The following CSMD1 variants were observed in gnomAD, a reference collection of about 807,000 sequenced individuals.
CSMD1 encodes CUB and Sushi multiple domains 1, also known as CUB and sushi domain-containing protein 1.
CSMD1 carries 213 observed loss-of-function variants against 417.5 expected under a neutral mutation model. The ratio of observed to expected loss-of-function variants is 0.51; its 90% CI spans 0.46 to 0.57. The LOEUF is 0.57. CSMD1 is among the 20% of genes least tolerant of loss of function. The probability of loss-of-function intolerance (pLI) is 0.00; values close to 1 mark genes in which losing one functional copy is unlikely to be tolerated. For synonymous variants in CSMD1, 2,862 were observed against 1,736.8 expected (o/e 1.65, Z -16.11); for missense variants, 6,923 against 4,529.7 (o/e 1.53, Z -15.17).
At chr8:3,268,981 C>T (rs191837064) in intron 26 of CSMD1, among the ~76,000 whole-genome samples, 22 of 152,324 alleles carry the variant, frequency 1.4e-4, no homozygotes, top group East Asian at 3.9e-4. Context: ...AAACCTCCAT[C>T]CTCAAGAATA....
chr8:4,355,079 G>A (rs1328340203), intron 3 of CSMD1, among the ~76,000 whole-genome samples: 1 of 151,850 alleles, frequency 6.6e-6, no homozygotes, highest in African/African-American at 2.4e-5. Flanking sequence ...TGGCTAACAT[G>A]GTGAAACCCC....
intron 1 of CSMD1, among the ~76,000 whole-genome samples, chr8:4,720,255 G>A (rs2116905218): frequency 6.6e-6 from 1 of 151,498 alleles, no homozygotes; most frequent in Non-Finnish European, 1.5e-5. Flanking sequence ...TATCATTTTT[G>A]GAAAAGTTGG....
At chr8:4,431,491 C>T (rs149497853) in intron 2 of CSMD1, among the ~76,000 whole-genome samples, 45 of 152,084 alleles carry the variant, frequency 3.0e-4, no homozygotes, top group Non-Finnish European at 5.4e-4. Flanking sequence ...GTAGAGAGAC[C>T]AAGTAGAGAC....
At chr8:4,324,500 C>T (rs1455659147) in intron 3 of CSMD1, among the ~76,000 whole-genome samples, 1 of 152,178 alleles carries the variant, frequency 6.6e-6, no homozygotes, top group Non-Finnish European at 1.5e-5. Context: ...AGATGAAGTG[C>T]ACACAAAAGA....
chr8:3,972,637 T>G (rs544445301), intron 5 of CSMD1, among the ~76,000 whole-genome samples: 1 of 152,346 alleles, frequency 6.6e-6, no homozygotes, highest in East Asian at 1.9e-4. Context: ...TTAAGTTAGT[T>G]TACATGTGAT....
At chr8:4,164,059 A>G (rs1203851723) in intron 3 of CSMD1, among the ~76,000 whole-genome samples, 4 of 152,186 alleles carry the variant, frequency 2.6e-5, no homozygotes, top group African/African-American at 4.8e-5. Context: ...TCTCTTCTTT[A>G]TAAACATTAC....
chr8:3,890,256 A>G (rs34620844), intron 5 of CSMD1, among the ~76,000 whole-genome samples: 2 of 152,204 alleles, frequency 1.3e-5, no homozygotes, highest in Non-Finnish European at 2.9e-5. Context: ...CAAACTTGCA[A>G]AGAAACATCA....
At chr8:4,097,175 G>A (rs939768700) in intron 3 of CSMD1, among the ~76,000 whole-genome samples, 2 of 152,230 alleles carry the variant, frequency 1.3e-5, no homozygotes, top group Non-Finnish European at 2.9e-5. Flanking sequence ...CATTATATAT[G>A]CTCAATAAGC....
intron 26 of CSMD1, among the ~76,000 whole-genome samples, chr8:3,233,740 G>T (rs1032138406): frequency 6.6e-6 from 1 of 151,848 alleles, no homozygotes; most frequent in African/African-American, 2.4e-5. Flanking sequence ...TTTCACATTT[G>T]TACTTCTGTT....
intron 7 of CSMD1, among the ~76,000 whole-genome samples, chr8:3,689,344 T>A (rs2254768): frequency 6.6e-6 from 1 of 152,054 alleles, no homozygotes; most frequent in Non-Finnish European, 1.5e-5. Flanking sequence ...AGTATTGTCC[T>A]CCCCTCATAC....
chr8:4,431,662 G>A (rs1797878776), intron 2 of CSMD1, among the ~76,000 whole-genome samples: 1 of 152,076 alleles, frequency 6.6e-6, no homozygotes, highest in Admixed American at 6.6e-5. Context: ...TGGAAAGGAA[G>A]AAAAGATAGA....
chr8:4,714,042 G>A (rs765329059), intron 1 of CSMD1, among the ~76,000 whole-genome samples: 2 of 152,090 alleles, frequency 1.3e-5, no homozygotes, highest in African/African-American at 2.4e-5. Flanking sequence ...CTACTCGGGA[G>A]ACTGAGGCAG....
intron 6 of CSMD1, among the ~76,000 whole-genome samples, chr8:3,718,958 C>T (rs538790883): frequency 3.3e-5 from 5 of 151,864 alleles, no homozygotes; most frequent in Non-Finnish European, 7.4e-5. Context: ...ATAGAAGGAG[C>T]GAGAAGATAA....
intron 26 of CSMD1, among the ~76,000 whole-genome samples, chr8:3,237,969 A>T: frequency 6.7e-6 from 1 of 148,740 alleles, no homozygotes; most frequent in East Asian, 1.9e-4. Flanking sequence ...TATAATATAT[A>T]ATACAGATTT....
intron 20 of CSMD1, among the ~76,000 whole-genome samples, chr8:3,365,947 C>G (rs1385082543): frequency 6.6e-6 from 1 of 152,156 alleles, no homozygotes; most frequent in Admixed American, 6.5e-5. Context: ...AAACTTTCTA[C>G]CAAGATCTTC....
At chr8:4,326,372 G>T (rs1172792930) in intron 3 of CSMD1, among the ~76,000 whole-genome samples, 1 of 152,176 alleles carries the variant, frequency 6.6e-6, no homozygotes, top group African/African-American at 2.4e-5. Flanking sequence ...GATCACCAAT[G>T]TGGCGAGAGG....
intron 2 of CSMD1, among the ~76,000 whole-genome samples, chr8:4,608,074 G>A (rs960419648): frequency 2.0e-5 from 3 of 152,126 alleles, no homozygotes; most frequent in African/African-American, 4.8e-5. Context: ...GGGAGGAGAT[G>A]GTGCTTGGTG....
Position 3,481,462 on chromosome 8 carries a change from A to C in CSMD1, c.1448+12161T>G, listed in dbSNP as rs532325412. On this transcript the variant is annotated intron_variant, in intron 11 of 69. Coordinates refer to ENST00000635120, the MANE Select transcript of CSMD1 (RefSeq NM_033225.6). ...AATGCAAGTGCAGTTTCCATACTTCAGGTGGTAAATGTTCGCATTAGTTGT... is the reference window on the plus strand; with the variant it reads ...AATGCAAGTGCAGTTTCCATACTTCCGGTGGTAAATGTTCGCATTAGTTGT... Among the ~76,000 whole-genome samples the C allele has an allele frequency of 1.8e-4, 27 of 152,314 alleles. 1 individual carries two copies. The South Asian group carries it at 5.4e-3, about 30-fold the overall frequency.
At chr8:4,363,525 A>G (rs1450971491) in intron 3 of CSMD1, among the ~76,000 whole-genome samples, 1 of 152,300 alleles carries the variant, frequency 6.6e-6, no homozygotes, top group East Asian at 1.9e-4. Context: ...AAGCTAAGAA[A>G]GAAGAGCAAT....
Sources: allele counts gnomAD v4.1 joint callset (sites outside exome capture counted in the v4.1 genomes callset), GRCh38; gene constraint gnomAD v4.1.1; transcripts MANE v1.5; gene names NCBI Gene and HGNC (gene_info 2026-07-23, HGNC 2026-07-21).